The following TRPM5 variants were observed in gnomAD, a reference collection of about 807,000 sequenced individuals.
TRPM5 encodes the protein MLSN1 and TRP-related.
In TRPM5, 121 loss-of-function variants were observed where a neutral mutation model predicts 124.9. The ratio of observed to expected loss-of-function variants is 0.97; its 90% confidence interval spans 0.84 to 1.13. The LOEUF (loss-of-function observed/expected upper bound fraction) is 1.13, where lower values mean the gene tolerates loss of function less well. TRPM5 is among the 50% of genes most tolerant of loss of function. The pLI is 0.00. For missense variants in TRPM5, 1,643 were observed against 1,589.1 expected, an observed-to-expected ratio of 1.03 and a Z score of -0.58; for synonymous variants, 781 against 700.5, an observed-to-expected ratio of 1.11 and a Z score of -1.81.
At chr11:2,410,502 T>A (rs560541170) in intron 18 of TRPM5, among the ~76,000 whole-genome samples, 1 of 152,200 alleles carries the variant, frequency 6.6e-6, no homozygotes, top group Non-Finnish European at 1.5e-5. Context: ...GCGGGCTGGC[T>A]GCTGGTCCAC....
chr11:2,420,192 G>A lies in TRPM5; in HGVS notation c.649+30C>T, dbSNP rs777512444. 2.6e-6 allele frequency: 4 copies of A among 1,567,046 alleles called. No individual in the cohort carries two copies. In the East Asian group the frequency reaches 9.0e-5, roughly 35 times the overall value. ...CCCTGGATCCCCACTGGGTCCCAAG[G>A]CTTCCCTGGGTGGCTGGGGCGGGTC... On this transcript the variant is annotated intron_variant, in intron 4 of 23. Transcript: ENST00000155858.
At chr11:2,404,824 T>G in exon 24 of TRPM5, 3 of 811,616 alleles carry the variant, frequency 3.7e-6, no homozygotes, top group Middle Eastern at 3.7e-4. Context: ...CATTGTCTGC[T>G]GGGGGGCTGG....
upstream of TRPM5, chr11:2,423,057 G>T: frequency 6.3e-7 from 1 of 1,593,548 alleles, no homozygotes; most frequent in Non-Finnish European, 8.6e-7. Flanking sequence ...AGAGCTGCAG[G>T]GATACCCTGG....
chr11:2,407,784 T>C (rs199966281), exon 19 of TRPM5: 1 of 1,613,700 alleles, frequency 6.2e-7, no homozygotes, highest in Non-Finnish European at 8.5e-7. Context: ...AGCAGGTTCA[T>C]GAGCAGCACA....
At position 2,412,734 on chromosome 11, in the gene TRPM5, A is replaced by C; in HGVS notation, c.2355+20T>G. 1.9e-6 allele frequency: 3 copies of C among 1,573,406 alleles called. No homozygotes were observed. The South Asian group carries it at 3.6e-5, about 19-fold the overall frequency. Reference sequence around the variant, plus strand: ...TGAAGCTGCAGAGTGGAGGGGACCTAGGCTAGTGTGGCCACCGACCTGCCG... The same window carrying C: ...TGAAGCTGCAGAGTGGAGGGGACCTCGGCTAGTGTGGCCACCGACCTGCCG... On this transcript the variant is annotated intron_variant, in intron 15 of 23. Transcript: ENST00000155858.
intron 18 of TRPM5, among the ~76,000 whole-genome samples, chr11:2,408,301 T>G (rs1435449971): frequency 6.6e-6 from 1 of 151,916 alleles, no homozygotes; most frequent in Non-Finnish European, 1.5e-5. Context: ...CCTCCACCCC[T>G]CCTCCGAAAA....
rs544714166 is a variant in TRPM5 at position 2,418,137 on chromosome 11, C to T, written c.906+30G>A. Reference sequence around the variant, plus strand: ...CCAGCCCCACCCCCGGAGGAGGGGTCGGGAGGACAGGGGAGGGGGCAGCAC... The same window carrying T: ...CCAGCCCCACCCCCGGAGGAGGGGTTGGGAGGACAGGGGAGGGGGCAGCAC... On this transcript the variant is annotated intron_variant, in intron 6 of 23. Transcript: ENST00000155858. 90 of 1,508,164 alleles carry T rather than the reference C, an allele frequency of 6.0e-5. No homozygotes were observed. The African/African-American group carries it at 1.0e-3, about 17-fold the overall frequency. The allele number at this position is 1,508,164 out of a possible 1,614,324, so 93.4% of individuals were successfully genotyped here. A position where few individuals can be genotyped will look rare whatever the true frequency, so the allele number is the denominator to read the frequency against.
the TRPM5 span, among the ~76,000 whole-genome samples, chr11:2,428,546 TGGC>T: frequency 1.3e-5 from 2 of 151,286 alleles, no homozygotes; most frequent in East Asian, 1.9e-4. The surrounding 1 kb of genome is among the most constrained non-coding windows in gnomAD (Gnocchi z 4.0). Context: ...ACCGTGCTGA[TGGC>T]GGTGTTTGTG....
chr11:2,405,256 G>GC (rs1565004603), intron 23 of TRPM5, among the ~76,000 whole-genome samples: 2 of 152,230 alleles, frequency 1.3e-5, no homozygotes, highest in African/African-American at 2.4e-5. Context: ...AGGCCGAGGG[G>GC]CCCGTTTGCT....
At chr11:2,414,290 A>G in intron 11 of TRPM5, 84 bp from the exon 17 acceptor site, 1 of 1,501,806 alleles carries the variant, frequency 6.7e-7, no homozygotes, top group East Asian at 2.4e-5. Context: ...CCCTGCCCAG[A>G]CCTGGGCTCT....
At chr11:2,412,100 G>A (rs369070866) in intron 16 of TRPM5, 35 bp downstream of exon 21, 22 of 1,571,710 alleles carry the variant, frequency 1.4e-5, no homozygotes, top group Non-Finnish European at 1.7e-5. Context: ...CCCACAAGCC[G>A]CCCTGAGGCC....
At chr11:2,408,054 C>T in intron 18 of TRPM5, 142 bp from the exon 24 acceptor site, 1 of 1,130,540 alleles carries the variant, frequency 8.8e-7, no homozygotes, top group Non-Finnish European at 1.2e-6. Flanking sequence ...TGTCCCAGTT[C>T]ACCCAGGGCG....
the TRPM5 span, among the ~76,000 whole-genome samples, chr11:2,442,286 G>A: frequency 2.0e-5 from 3 of 151,620 alleles, no homozygotes; most frequent in East Asian, 3.9e-4. The surrounding 1 kb of genome is among the most constrained non-coding windows in gnomAD (Gnocchi z 5.9). Context: ...TTCAATTTAA[G>A]GACTGGTTTG....
In TRPM5 at chr11:2,417,803, G is replaced by T. The variant is rs138197888; in HGVS notation, c.933C>A (p.His311Gln). The T allele has an allele frequency of 1.7e-3, 2,628 of 1,588,448 alleles. 6 individuals are homozygous for T. Among genetic ancestry groups the T allele is most frequent in the South Asian group, 2.2e-3 (196 of 87,200 alleles). ...GCTCGAAGTCATACACGGTGAGCAG[G>T]TGCTGGTGTGAGGTGATGTTCTGCA... Residue 311 changes from histidine to glutamine, a missense_variant, in exon 7 of 24, where the codon CAC (histidine) becomes CAA (glutamine). Physicochemically the swap from His to Gln is conservative, Grantham distance 24. Transcript: ENST00000155858.
At chr11:2,417,917 G>C in intron 6 of TRPM5, 88 bp from the exon 12 acceptor site, 1 of 1,303,062 alleles carries the variant, frequency 7.7e-7, no homozygotes. Context: ...GTAGGCACAG[G>C]CAGCGTCCCC....
chr11:2,428,173 A>T, the TRPM5 span, among the ~76,000 whole-genome samples: 1 of 151,824 alleles, frequency 6.6e-6, no homozygotes, highest in Non-Finnish European at 1.5e-5. The surrounding 1 kb of genome is among the most constrained non-coding windows in gnomAD (Gnocchi z 4.0). Context: ...TCAAACAGGG[A>T]CTCTAATAGC....
At chr11:2,414,009 G>GGGGCGCCCCCCCC in intron 12 of TRPM5, 52 bp downstream of exon 17, 8 of 1,023,730 alleles carry the variant, frequency 7.8e-6, no homozygotes, top group East Asian at 2.8e-5. Flanking sequence ...GGCCCAGCTC[G>GGGGCGCCCCCCCC]CCCGCCCACC....
the TRPM5 span, among the ~76,000 whole-genome samples, chr11:2,429,828 C>T: frequency 1.1e-4 from 17 of 152,080 alleles, no homozygotes; most frequent in East Asian, 3.9e-4. The surrounding 1 kb of genome is among the most constrained non-coding windows in gnomAD (Gnocchi z 8.4). Context: ...GTGTCAAAGG[C>T]GGGACCAGGT....
chr11:2,405,935 C>G, intron 22 of TRPM5, 84 bp downstream of exon 27: 3 of 1,255,408 alleles, frequency 2.4e-6, no homozygotes, highest in Non-Finnish European at 3.4e-6. Context: ...CTGTGAGTGA[C>G]CGGGCAGGGC....
Sources: gnomAD v4.1 joint callset for allele counts (sites outside exome capture counted in the v4.1 genomes callset) on GRCh38, gnomAD v4.1.1 for gene constraint, Gnocchi (gnomAD v3.1) non-coding constraint, MANE v1.5 for transcripts, NCBI Gene and HGNC (gene_info 2026-07-23, HGNC 2026-07-21) for gene names.